The following TUB variants were observed in gnomAD, a reference collection of about 807,000 sequenced individuals.
The protein encoded by TUB is tubby protein homolog.
In TUB, 33 loss-of-function variants were observed where a neutral mutation model predicts 59.7. That is an observed-to-expected ratio of 0.55 (90% CI 0.42 to 0.74). The LOEUF is 0.74. Among genes scored for constraint, TUB ranks in the 30% least tolerant of loss-of-function variants. The probability of loss-of-function intolerance (pLI) is 0.00; values close to 1 mark genes in which losing one functional copy is unlikely to be tolerated. For synonymous variants in TUB, 293 were observed against 256.4 expected (o/e 1.14, Z -1.36); for missense variants, 659 against 672.0 (o/e 0.98, Z 0.21).
chr11:8,100,001 G>A (rs1477658206), intron 9 of TUB, among the ~76,000 whole-genome samples: 1 of 152,206 alleles, frequency 6.6e-6, no homozygotes, highest in African/African-American at 2.4e-5. Flanking sequence ...TCTGAGCAGA[G>A]GAGAAAGATC....
intron 2 of TUB, among the ~76,000 whole-genome samples, chr11:8,040,903 C>G (rs1261359198): frequency 6.6e-6 from 1 of 152,198 alleles, no homozygotes; most frequent in Non-Finnish European, 1.5e-5. Flanking sequence ...CACATCCAAC[C>G]CCTTGTGTAA....
intron 1 of TUB, among the ~76,000 whole-genome samples, chr11:8,027,626 T>G (rs1250898774): frequency 6.6e-6 from 1 of 152,216 alleles, no homozygotes; most frequent in Admixed American, 6.5e-5. Flanking sequence ...GCAATTCTCC[T>G]GCCTCAGCCT....
chr11:8,071,868 C>T (rs921946874), intron 2 of TUB, among the ~76,000 whole-genome samples: 2 of 152,206 alleles, frequency 1.3e-5, no homozygotes, highest in African/African-American at 4.8e-5. Flanking sequence ...GAGGGCCAAC[C>T]CAACTTGCCT....
Position 8,105,398 on chromosome 11 carries a change from G to A in TUB, c.*3779G>A, listed in dbSNP as rs1944513855. On this transcript the variant is annotated 3_prime_UTR_variant, in exon 12 of 12. Coordinates refer to ENST00000299506, the MANE Select transcript of TUB (RefSeq NM_177972.3). ...GTAGTAGCCACCGGTAATAAGCCAA[G>A]GGCTAGGCTCTTGTTTGAGTTTATG... 1 of 152,216 alleles carries A rather than the reference G, an allele frequency of 6.6e-6. No homozygotes were observed. Among genetic ancestry groups the A allele is most frequent in the Non-Finnish European group, 1.5e-5 (1 of 68,084 alleles). The allele number at this position is 152,216 out of a possible 1,614,324, so 9.4% of individuals were successfully genotyped here.
rs1034754259 is a variant in TUB at position 8,090,324 on chromosome 11, G to A, written c.253+93G>A. ...GGCAGGTGCGGACTGGTCCTGACGG[G>A]GGATGCCCAGGCTGTGTATGGCTTC... On this transcript the variant is annotated intron_variant, in intron 3 of 11. Coordinates refer to ENST00000299506, the MANE Select transcript of TUB (RefSeq NM_177972.3). 13 of 1,491,694 alleles carry A rather than the reference G, an allele frequency of 8.7e-6. No individual in the cohort carries two copies. The African/African-American group carries it at 1.8e-4, about 21-fold the overall frequency. The allele number at this position is 1,491,694 out of a possible 1,614,324, so 92.4% of individuals were successfully genotyped here.
chr11:8,035,803 G>A (rs933033708), upstream of TUB: 4 of 152,318 alleles, frequency 2.6e-5, no homozygotes, highest in African/African-American at 9.6e-5. Flanking sequence ...GCATGGAGGT[G>A]GAGAACATTC....
At chr11:8,030,094 G>C (rs1004106247) in intron 1 of TUB, among the ~76,000 whole-genome samples, 1 of 152,124 alleles carries the variant, frequency 6.6e-6, no homozygotes, top group Non-Finnish European at 1.5e-5. Context: ...TTATGGTGGA[G>C]AGGGGAGTCG....
At chr11:8,022,403 A>G (rs779509949) in intron 1 of TUB, among the ~76,000 whole-genome samples, 17 of 152,194 alleles carry the variant, frequency 1.1e-4, no homozygotes, top group Admixed American at 3.3e-4. Context: ...TTCACTTTCC[A>G]GCACTGTTCT....
chr11:8,019,680 G>A (rs912960344), intron 1 of TUB, among the ~76,000 whole-genome samples: 3 of 152,088 alleles, frequency 2.0e-5, no homozygotes, highest in African/African-American at 4.8e-5. Context: ...GAAAGGGCGC[G>A]GAGGGGGCGC....
upstream of TUB, chr11:8,077,780 C>T (rs1943473653): frequency 1.3e-5 from 2 of 152,156 alleles, no homozygotes; most frequent in African/African-American, 4.8e-5. Flanking sequence ...AGGGTACAGT[C>T]ATTATTTCTT....
In TUB at chr11:8,032,005, G is replaced by T. The variant is rs1037045688; in HGVS notation, c.56+12647G>T. ...GCTCTGGGAGTTTCCTGCTCGGGAA[G>T]GGGCTGGAGGGGCAGCAGCTGGACA... is the stretch of plus-strand genomic sequence containing the variant. On this transcript the variant is annotated intron_variant, in intron 1 of 11. Coordinates refer to the TUB transcript ENST00000534099. Among the ~76,000 whole-genome samples the T allele has an allele frequency of 3.3e-5, 5 of 152,348 alleles. No homozygotes were observed. In the South Asian group the frequency reaches 1.0e-3, roughly 32 times the overall value.
chr11:8,033,595 T>TA (rs1365027327), intron 1 of TUB, among the ~76,000 whole-genome samples: 2 of 152,214 alleles, frequency 1.3e-5, no homozygotes, highest in Non-Finnish European at 2.9e-5. Context: ...TGCCTGCTTA[T>TA]ACTCCTCCCC....
intron 1 of TUB, among the ~76,000 whole-genome samples, chr11:8,087,193 C>T (rs924529711): frequency 3.3e-5 from 5 of 152,244 alleles, no homozygotes; most frequent in African/African-American, 1.2e-4. Flanking sequence ...TGAGCAGCTG[C>T]TGTGACCCAG....
At chr11:8,055,450 C>G (rs916488372) in intron 2 of TUB, among the ~76,000 whole-genome samples, 6 of 152,208 alleles carry the variant, frequency 3.9e-5, no homozygotes, top group Non-Finnish European at 8.8e-5. Flanking sequence ...ACCACCTAGA[C>G]AGATGTGCTG....
Position 8,097,796 on chromosome 11 carries a change from G to A in TUB, c.968G>A (p.Arg323Gln), listed in dbSNP as rs749889465. 2.5e-6 allele frequency: 4 copies of A among 1,613,974 alleles called. No individual in the cohort carries two copies. The highest frequency in any genetic ancestry group is 2.5e-6 in the Non-Finnish European group (3 of 1,179,940). Reference protein sequence around the residue: ...LISVDPTDLSRGGDSYIGKLR... With the variant: ...LISVDPTDLSQGGDSYIGKLR... ...TCTGTGGACCCAACAGACTTGTCTC[G>A]AGGAGGGGACAGCTATATCGGGAAA... The change falls in exon 8 of 12, where the codon CGA (arginine) becomes CAA (glutamine). Residue 323 changes from arginine (R) to glutamine (Q), a missense_variant. Physicochemically the swap from Arg to Gln is conservative, Grantham distance 43. This residue lies in a region of TUB where 112 missense variants were observed against 156.9 expected (regional missense o/e 0.71). Transcript: ENST00000299506.
intron 4 of TUB, 75 bp from the exon 5 acceptor site, chr11:8,095,423 C>T (rs1358210861): frequency 2.0e-6 from 3 of 1,499,818 alleles, no homozygotes; most frequent in African/African-American, 1.4e-5. Flanking sequence ...CCCTCATCCC[C>T]TTCATGGACG....
chr11:8,058,695 G>A (rs571485656), intron 2 of TUB, among the ~76,000 whole-genome samples: 1 of 152,254 alleles, frequency 6.6e-6, no homozygotes, highest in African/African-American at 2.4e-5. Flanking sequence ...ACATGTCTTT[G>A]TTGTTTCACT....
At chr11:8,029,384 CTTTCT>C (rs1300559708) in intron 1 of TUB, among the ~76,000 whole-genome samples, 8 of 118,338 alleles carry the variant, frequency 6.8e-5, no homozygotes, top group African/African-American at 1.9e-4. Context: ...CTTTTTCTTT[CTTTCT>C]TTTTTTTTTT....
intron 10 of TUB, 36 bp from the exon 11 acceptor site, chr11:8,100,790 G>A: frequency 6.2e-7 from 1 of 1,610,346 alleles, no homozygotes. Flanking sequence ...TGGTGCCAAA[G>A]GCCTGGGCCT....
Sources: allele counts gnomAD v4.1 joint callset (sites outside exome capture counted in the v4.1 genomes callset), GRCh38; gene constraint gnomAD v4.1.1; regional missense constraint gnomAD v4.1.1; transcripts MANE v1.5; gene names NCBI Gene and HGNC (gene_info 2026-07-23, HGNC 2026-07-21).